The following ASIC2 variants were observed in gnomAD, a reference collection of about 807,000 sequenced individuals.
ASIC2 encodes the protein acid sensing ion channel subunit 2.
A neutral mutation model predicts 57.3 loss-of-function variants in ASIC2; 25 were observed. The observed-to-expected ratio is 0.44, with a 90% CI of 0.32 to 0.61. The LOEUF (loss-of-function observed/expected upper bound fraction) is 0.61, where lower values mean the gene tolerates loss of function less well. Ranked by LOEUF, ASIC2 falls within the 20% of genes least tolerant of loss-of-function variation. ASIC2 has a pLI of 0.06. For synonymous variants in ASIC2, 319 were observed against 307.5 expected (o/e 1.04, Z -0.39); for missense variants, 641 against 738.1 (o/e 0.87, Z 1.52).
At chr17:33,614,103 C>T (rs1354958457) in intron 1 of ASIC2, among the ~76,000 whole-genome samples, 1 of 152,148 alleles carries the variant, frequency 6.6e-6, no homozygotes. Context: ...TCCTCAGCTG[C>T]ACCGGGTTTT....
intron 1 of ASIC2, among the ~76,000 whole-genome samples, chr17:34,077,244 T>C (rs866755673): frequency 4.6e-5 from 7 of 152,142 alleles, no homozygotes; most frequent in South Asian, 2.1e-4. Context: ...TAGCTGTGCT[T>C]TCTCTGCCTC....
intron 1 of ASIC2, among the ~76,000 whole-genome samples, chr17:33,177,766 A>G (rs777483927): frequency 2.0e-5 from 3 of 152,176 alleles, no homozygotes; most frequent in Non-Finnish European, 2.9e-5. Context: ...GACCCAGTCC[A>G]GGGCCTAGAA....
intron 1 of ASIC2, among the ~76,000 whole-genome samples, chr17:33,435,305 C>A (rs552744150): frequency 1.3e-5 from 2 of 152,032 alleles, no homozygotes; most frequent in South Asian, 4.2e-4. Flanking sequence ...AGGTCTGAGG[C>A]CAGAAATGCA....
chr17:34,154,033 C>A (rs1904623714), intron 1 of ASIC2, among the ~76,000 whole-genome samples: 2 of 152,148 alleles, frequency 1.3e-5, no homozygotes, highest in Non-Finnish European at 2.9e-5. Flanking sequence ...TCAGAAGAAG[C>A]CACCAGTTGG....
At chr17:33,086,011 C>T (rs1017490767) in intron 3 of ASIC2, among the ~76,000 whole-genome samples, 1 of 152,088 alleles carries the variant, frequency 6.6e-6, no homozygotes, top group Non-Finnish European at 1.5e-5. Context: ...AGCAAATTTG[C>T]CCTCCGAAGC....
intron 1 of ASIC2, among the ~76,000 whole-genome samples, chr17:33,674,908 C>A (rs551523630): frequency 4.6e-5 from 7 of 152,178 alleles, no homozygotes; most frequent in Non-Finnish European, 8.8e-5. Flanking sequence ...ACTCATTTCA[C>A]TTTTCTGAGC....
chr17:33,691,473 G>T (rs1343394478), intron 1 of ASIC2, among the ~76,000 whole-genome samples: 1 of 152,168 alleles, frequency 6.6e-6, no homozygotes, highest in Non-Finnish European at 1.5e-5. Flanking sequence ...TCTTCTGATT[G>T]AGATCAATCA....
rs148466761 is a variant in ASIC2 at position 33,578,504 on chromosome 17, C to T, written c.556-466437G>A. On this transcript the variant is annotated intron_variant, in intron 1 of 9. Coordinates refer to the ASIC2 transcript ENST00000359872. ...AAATGGGTGGGCGAGACAATTGGGACGGATAGAAGAATAAAGGGACATAGA... is the reference window on the plus strand; with the variant it reads ...AAATGGGTGGGCGAGACAATTGGGATGGATAGAAGAATAAAGGGACATAGA... 7.7e-3 allele frequency among the ~76,000 whole-genome samples: 1,174 copies of T among 152,168 alleles called. 13 individuals carry two copies. The highest frequency in any genetic ancestry group is 9.9e-3 in the Non-Finnish European group (672 of 68,002).
At chr17:33,206,500 A>G (rs1597629487) in intron 1 of ASIC2, among the ~76,000 whole-genome samples, 1 of 152,222 alleles carries the variant, frequency 6.6e-6, no homozygotes, top group Non-Finnish European at 1.5e-5. Context: ...CCAAGCCCAA[A>G]GCCATGCCCA....
chr17:34,078,643 C>A (rs560714656), intron 1 of ASIC2, among the ~76,000 whole-genome samples: 22 of 152,226 alleles, frequency 1.4e-4, no homozygotes, highest in Non-Finnish European at 1.5e-4. Context: ...GGGGATGGGG[C>A]TGGGGGCACT....
Position 33,077,896 on chromosome 17 carries a change from G to C in ASIC2, c.987+10967C>G, listed in dbSNP as rs566614715. Among the ~76,000 whole-genome samples the C allele has an allele frequency of 2.0e-5, 3 of 152,266 alleles. No homozygotes were observed. In the South Asian group the frequency reaches 6.2e-4, roughly 32 times the overall value. ...GTTGATATTTCTAAAAGACGTGTTG[G>C]TGATTCTTTAAACTTCTCAGTTGCC... On this transcript the variant is annotated intron_variant, in intron 3 of 9. Coordinates refer to ENST00000225823, the MANE Select transcript of ASIC2 (RefSeq NM_183377.2).
intron 1 of ASIC2, among the ~76,000 whole-genome samples, chr17:34,103,974 T>C (rs1910955482): frequency 6.6e-6 from 1 of 152,194 alleles, no homozygotes; most frequent in Non-Finnish European, 1.5e-5. Context: ...AATTGTTTTA[T>C]CTATTTCTAT....
intron 1 of ASIC2, among the ~76,000 whole-genome samples, chr17:33,203,795 C>G (rs1330222380): frequency 6.6e-6 from 1 of 152,202 alleles, no homozygotes; most frequent in Non-Finnish European, 1.5e-5. Context: ...TGGCTTGCCA[C>G]TCTCTCTCTG....
intron 1 of ASIC2, among the ~76,000 whole-genome samples, chr17:33,465,743 G>C (rs924388156): frequency 6.6e-6 from 1 of 152,206 alleles, no homozygotes; most frequent in African/African-American, 2.4e-5. Flanking sequence ...CTTGAAGAAT[G>C]AATGATTTGG....
intron 1 of ASIC2, among the ~76,000 whole-genome samples, chr17:33,871,283 C>T (rs1370980396): frequency 6.6e-6 from 1 of 152,194 alleles, no homozygotes; most frequent in Non-Finnish European, 1.5e-5. Context: ...AGCAAGTTAA[C>T]ACCTTGAAGT....
chr17:33,537,540 G>A (rs1286235204), intron 1 of ASIC2, among the ~76,000 whole-genome samples: 1 of 152,162 alleles, frequency 6.6e-6, no homozygotes, highest in Non-Finnish European at 1.5e-5. Flanking sequence ...GCACGAACTG[G>A]TGTCTGGCAC....
chr17:33,949,092 T>G (rs1350060434), intron 1 of ASIC2, among the ~76,000 whole-genome samples: 5 of 111,242 alleles, frequency 4.5e-5, no homozygotes, highest in African/African-American at 1.3e-4. Context: ...CTTCTTTTGA[T>G]TTTTTTTTTC....
At chr17:34,103,651 T>C (rs9902481) in intron 1 of ASIC2, among the ~76,000 whole-genome samples, 27,042 of 152,114 alleles carry the variant, frequency 0.18, 3,024 homozygotes, top group African/African-American at 0.32. Flanking sequence ...AGGTCAGAGA[T>C]TGGGCTCACT....
chr17:33,330,942 C>T (rs1907288662), intron 1 of ASIC2, among the ~76,000 whole-genome samples: 1 of 152,080 alleles, frequency 6.6e-6, no homozygotes. Context: ...GTTTAATGGA[C>T]TATCTTAGGT....
Sources: allele counts gnomAD v4.1 joint callset (sites outside exome capture counted in the v4.1 genomes callset), GRCh38; gene constraint gnomAD v4.1.1; transcripts MANE v1.5; gene names NCBI Gene and HGNC (gene_info 2026-07-23, HGNC 2026-07-21).